MATN2: variants seen among roughly 807,000 people sequenced by gnomAD.
MATN2 encodes the protein matrilin-2.
A neutral mutation model predicts 103.2 loss-of-function variants in MATN2; 69 were observed. That is an observed-to-expected ratio of 0.67 (90% CI 0.55 to 0.82). MATN2 has a LOEUF of 0.82. Ranked by LOEUF, MATN2 falls within the 40% of genes least tolerant of loss-of-function variation. The pLI is 0.00. For missense variants in MATN2, 1,023 were observed against 1,211.5 expected (o/e 0.84, Z 2.31); for synonymous variants, 429 against 450.2 (o/e 0.95, Z 0.60).
At chr8:97,944,157 A>G (rs567301928) in intron 4 of MATN2, among the ~76,000 whole-genome samples, 11 of 152,312 alleles carry the variant, frequency 7.2e-5, no homozygotes, top group Admixed American at 4.6e-4. Context: ...AGGCTTTCTC[A>G]AACTTCAGTG....
At chr8:97,981,305 C>T (rs1812013578) in intron 6 of MATN2, among the ~76,000 whole-genome samples, 2 of 151,714 alleles carry the variant, frequency 1.3e-5, no homozygotes, top group African/African-American at 4.8e-5. Context: ...GTGGTGCAAT[C>T]CTAGCTCATT....
intron 2 of MATN2, among the ~76,000 whole-genome samples, chr8:97,928,033 C>G (rs1810048998): frequency 6.6e-6 from 1 of 152,050 alleles, no homozygotes; most frequent in Non-Finnish European, 1.5e-5. Context: ...TCACACTCTC[C>G]CTGCAGTAAG....
At chr8:97,887,170 G>C (rs1818461428) in intron 1 of MATN2, among the ~76,000 whole-genome samples, 1 of 152,088 alleles carries the variant, frequency 6.6e-6, no homozygotes, top group Non-Finnish European at 1.5e-5. Context: ...GGGATTACAG[G>C]TGTGAGTCAC....
At chr8:97,914,477 C>T (rs912367712) in intron 2 of MATN2, among the ~76,000 whole-genome samples, 1 of 149,558 alleles carries the variant, frequency 6.7e-6, no homozygotes, top group Non-Finnish European at 1.5e-5. Context: ...CTCAAGCCAT[C>T]CTCCTGCTTC....
chr8:98,015,309 T>C (rs1270098334), intron 10 of MATN2, among the ~76,000 whole-genome samples: 1 of 152,104 alleles, frequency 6.6e-6, no homozygotes, highest in Non-Finnish European at 1.5e-5. Context: ...AGCGATCCTT[T>C]AAAAACAAAC....
In MATN2 at chr8:97,961,423, C is replaced by T. The variant is rs761378822; in HGVS notation, c.851C>T (p.Ala284Val). Reference sequence around the variant, plus strand: ...TTTGCCTCAGTCCAGGATCTGTGTGCCATGGAGGACCACAACTGTGAGCAG... The same window carrying T: ...TTTGCCTCAGTCCAGGATCTGTGTGTCATGGAGGACCACAACTGTGAGCAG... ...QTTCRIQDLC[A>V]MEDHNCEQLC... The change falls in exon 5 of 19, where the codon GCC (alanine) becomes GTC (valine). Residue 284 changes from alanine to valine, a missense_variant. Ala to Val is a moderately conservative substitution (Grantham distance 64). Transcript: ENST00000254898. 5 of 1,612,546 alleles carry T rather than the reference C, an allele frequency of 3.1e-6. No homozygotes were observed. The South Asian group carries it at 5.5e-5, about 18-fold the overall frequency.
chr8:97,939,501 A>C (rs1031697272), intron 3 of MATN2, among the ~76,000 whole-genome samples: 2 of 152,298 alleles, frequency 1.3e-5, no homozygotes, highest in Middle Eastern at 3.4e-3. Flanking sequence ...GAACATCTGC[A>C]CCAGGCAACA....
At chr8:97,966,607 G>C (rs750883484) in intron 5 of MATN2, among the ~76,000 whole-genome samples, 33 of 151,698 alleles carry the variant, frequency 2.2e-4, no homozygotes, top group Non-Finnish European at 3.8e-4. Flanking sequence ...AGTAGTCATT[G>C]ACAAGGTGAA....
At chr8:97,998,075 C>T (rs2130364800) in intron 7 of MATN2, among the ~76,000 whole-genome samples, 1 of 151,494 alleles carries the variant, frequency 6.6e-6, no homozygotes, top group African/African-American at 2.4e-5. Context: ...CCTCCTCAGT[C>T]TCCCAAAGTG....
At chr8:97,905,472 A>G (rs988388342) in intron 2 of MATN2, among the ~76,000 whole-genome samples, 1 of 152,034 alleles carries the variant, frequency 6.6e-6, no homozygotes, top group Non-Finnish European at 1.5e-5. Context: ...ATGAAATTCT[A>G]TCATATTTAT....
chr8:97,883,665 G>A (rs758160554), intron 1 of MATN2, among the ~76,000 whole-genome samples: 6 of 150,886 alleles, frequency 4.0e-5, no homozygotes, highest in Non-Finnish European at 7.4e-5. Flanking sequence ...CCATTCTCCT[G>A]CCTCAGCCTC....
Position 98,019,194 on chromosome 8 carries a change from C to T in MATN2, c.1819+1078C>T, listed in dbSNP as rs113483931. ...TTTCTATCTTCTATTAATATATCAT[C>T]TCCACAGGAAAAATGGACATACACA... On this transcript the variant is annotated intron_variant, in intron 12 of 18. Coordinates refer to ENST00000254898, the MANE Select transcript of MATN2 (RefSeq NM_002380.5). 1.2e-3 allele frequency among the ~76,000 whole-genome samples: 187 copies of T among 151,564 alleles called. 1 individual carries two copies. The highest frequency in any genetic ancestry group is 4.4e-3 in the African/African-American group (181 of 41,200).
intron 5 of MATN2, among the ~76,000 whole-genome samples, chr8:97,978,552 T>C (rs779432261): frequency 1.9e-4 from 29 of 152,240 alleles, no homozygotes; most frequent in Non-Finnish European, 2.8e-4. Flanking sequence ...GCTGCCTTTC[T>C]ACCACTGGGT....
intron 5 of MATN2, among the ~76,000 whole-genome samples, chr8:97,968,766 C>G (rs539191604): frequency 2.9e-3 from 444 of 152,348 alleles, no homozygotes; most frequent in Non-Finnish European, 4.3e-3. Flanking sequence ...GGGTTCCAAA[C>G]TTTCCCTCAT....
In MATN2 at chr8:97,931,170, G is replaced by A. The variant is rs2130140944; in HGVS notation, c.360G>A (p.Val120=). 2 of 1,613,662 alleles carry A rather than the reference G, an allele frequency of 1.2e-6. No individual in the cohort carries two copies. The highest frequency in any genetic ancestry group is 4.5e-5 in the East Asian group (2 of 44,862). Residue 120 remains valine (V), a synonymous_variant, in exon 3 of 19, where the codon GTG becomes GTA. Coordinates refer to ENST00000254898, the MANE Select transcript of MATN2 (RefSeq NM_002380.5). The surrounding 1 kb of genome is among the most constrained non-coding windows in gnomAD (Gnocchi z 4.1). ...SLKTFKRKSE[V]ERAVKRMRHL... is the part of the protein sequence containing the mutation. ...AGACCTTCAAGAGGAAGTCCGAGGT[G>A]GAGCGTGCTGTCAAGAGGATGCGGC...
chr8:98,007,088 CGT>C lies in MATN2; in HGVS notation c.1328-11_1328-10del. ...CCCCCTCGGCTCCTCTATGCTTTCG[CGT>C]GTGTGAAAATGCAGGAGTGGACCAC... On this transcript the variant is annotated splice_polypyrimidine_tract_variant and intron_variant, in intron 8 of 18. Transcript: ENST00000254898. The surrounding 1 kb of genome is among the most constrained non-coding windows in gnomAD (Gnocchi z 4.2). 6.3e-7 allele frequency: 1 copy of C among 1,598,030 alleles called. No homozygotes were observed. The highest frequency in any genetic ancestry group is 1.3e-5 in the African/African-American group (1 of 74,622).
chr8:97,934,761 G>A (rs1292829148), intron 3 of MATN2, among the ~76,000 whole-genome samples: 1 of 152,154 alleles, frequency 6.6e-6, no homozygotes, highest in East Asian at 1.9e-4. Flanking sequence ...GCAGGTAGGG[G>A]AACAGTCAAT....
At chr8:97,908,252 T>C (rs1455907446) in intron 2 of MATN2, among the ~76,000 whole-genome samples, 1 of 151,548 alleles carries the variant, frequency 6.6e-6, no homozygotes, top group African/African-American at 2.4e-5. Context: ...AGTGAAACTC[T>C]ATCTCAAAAA....
At chr8:98,014,971 TAA>T (rs991699833) in intron 10 of MATN2, among the ~76,000 whole-genome samples, 1 of 152,214 alleles carries the variant, frequency 6.6e-6, no homozygotes, top group African/African-American at 2.4e-5. Context: ...AGGGTTCTTA[TAA>T]AAAGTCACCA....
Sources: gnomAD v4.1 joint callset for allele counts (sites outside exome capture counted in the v4.1 genomes callset) on GRCh38, gnomAD v4.1.1 for gene constraint, Gnocchi (gnomAD v3.1) non-coding constraint, MANE v1.5 for transcripts, NCBI Gene and HGNC (gene_info 2026-07-23, HGNC 2026-07-21) for gene names.